GPHN: variants seen among roughly 807,000 people sequenced by gnomAD.
GPHN encodes the protein gephyrin.
Under a neutral mutation model 95.5 loss-of-function variants are expected in GPHN, and 17 were observed. That is an observed-to-expected ratio of 0.18 (90% CI 0.12 to 0.27). The LOEUF (loss-of-function observed/expected upper bound fraction) is 0.27. Among genes scored for constraint, GPHN ranks in the 10% least tolerant of loss-of-function variants. The pLI is 1.00. For synonymous variants in GPHN, 320 were observed against 322.5 expected, an observed-to-expected ratio of 0.99 and a Z score of 0.08; for missense variants, 660 against 978.1, an observed-to-expected ratio of 0.67 and a Z score of 4.34.
the GPHN span, chr14:67,224,686 C>T: frequency 3.2e-6 from 1 of 313,816 alleles, no homozygotes; most frequent in Non-Finnish European, 6.2e-6. Flanking sequence ...ATATTTTTTC[C>T]AAGATGAAAA....
At chr14:67,380,736 T>C in the GPHN span, 1 of 1,569,306 alleles carries the variant, frequency 6.4e-7, no homozygotes, top group Non-Finnish European at 8.6e-7. Flanking sequence ...AATAGGCGCT[T>C]GACCCCACAG....
At chr14:67,279,696 T>C in the GPHN span, 1 of 625,710 alleles carries the variant, frequency 1.6e-6, no homozygotes, top group Non-Finnish European at 2.5e-6. Context: ...GTATAACTAT[T>C]GTTTACTGTT....
chr14:67,357,334 T>G, the GPHN span, among the ~76,000 whole-genome samples: 1 of 152,236 alleles, frequency 6.6e-6, no homozygotes, highest in Non-Finnish European at 1.5e-5. Flanking sequence ...AAGTTTGACC[T>G]TTAGCTAGGA....
At chr14:67,012,388 TAGC>T (rs1478673495) in intron 9 of GPHN, among the ~76,000 whole-genome samples, 1 of 152,186 alleles carries the variant, frequency 6.6e-6, no homozygotes, top group African/African-American at 2.4e-5. Flanking sequence ...TTTTATGAAA[TAGC>T]AGATTTTTTC....
At chr14:67,144,272 T>TACACAC (rs1567400961) in intron 18 of GPHN, among the ~76,000 whole-genome samples, 1 of 120,468 alleles carries the variant, frequency 8.3e-6, no homozygotes, top group African/African-American at 3.6e-5. Context: ...TATATATATA[T>TACACAC]ATATATATAT....
At chr14:67,580,855 C>A in the GPHN span, 2 of 884,194 alleles carry the variant, frequency 2.3e-6, no homozygotes, top group Non-Finnish European at 3.8e-6. Flanking sequence ...TGCTCTTCTG[C>A]TCTGAGTCCA....
the GPHN span, among the ~76,000 whole-genome samples, chr14:67,567,115 C>T: frequency 6.6e-6 from 1 of 151,146 alleles, no homozygotes; most frequent in Non-Finnish European, 1.5e-5. Context: ...TAGCTCCTTC[C>T]CAGGCCCCTG....
At chr14:67,071,129 C>T (rs1398336427) in intron 11 of GPHN, among the ~76,000 whole-genome samples, 1 of 151,252 alleles carries the variant, frequency 6.6e-6, no homozygotes, top group Admixed American at 6.6e-5. Context: ...CATCCCATTA[C>T]TGGGCATATA....
chr14:67,115,457 G>T (rs2078628260), intron 16 of GPHN, among the ~76,000 whole-genome samples: 1 of 152,186 alleles, frequency 6.6e-6, no homozygotes, highest in African/African-American at 2.4e-5. Context: ...TTCAGGCCGG[G>T]CATGGTTGCT....
the GPHN span, among the ~76,000 whole-genome samples, chr14:67,417,146 G>T: frequency 6.6e-6 from 1 of 152,210 alleles, no homozygotes; most frequent in Admixed American, 6.5e-5. Flanking sequence ...CTTGAGTATG[G>T]GTTCTGGAAT....
intron 4 of GPHN, among the ~76,000 whole-genome samples, chr14:66,827,086 C>G (rs1317089463): frequency 6.6e-6 from 1 of 152,080 alleles, no homozygotes; most frequent in East Asian, 1.9e-4. Flanking sequence ...GAGTTCAAGA[C>G]AAGCCTGGCC....
the GPHN span, among the ~76,000 whole-genome samples, chr14:67,366,916 G>T: frequency 6.8e-6 from 1 of 146,260 alleles, no homozygotes; most frequent in African/African-American, 2.7e-5. Context: ...GGCAGCTAAG[G>T]TTCTAGCAGA....
At chr14:67,241,951 T>C in the GPHN span, 1 of 152,200 alleles carries the variant, frequency 6.6e-6, no homozygotes, top group Non-Finnish European at 1.5e-5. Flanking sequence ...GAAGTCAGAA[T>C]GTAGTCAGCG....
At chr14:67,003,953 A>C (rs1246710124) in intron 9 of GPHN, among the ~76,000 whole-genome samples, 3 of 151,680 alleles carry the variant, frequency 2.0e-5, no homozygotes, top group Non-Finnish European at 4.4e-5. Context: ...TGTCGATTTA[A>C]TCAGATGTGG....
At chr14:67,248,762 T>C in the GPHN span, among the ~76,000 whole-genome samples, 1 of 152,336 alleles carries the variant, frequency 6.6e-6, no homozygotes, top group South Asian at 2.1e-4. Context: ...AATAAAACTT[T>C]ACTTATAAAA....
At chr14:67,449,499 G>A in the GPHN span, among the ~76,000 whole-genome samples, 1 of 152,298 alleles carries the variant, frequency 6.6e-6, no homozygotes, top group Middle Eastern at 3.4e-3. Flanking sequence ...GGAGGAGGGA[G>A]TCTCCTGACA....
the GPHN span, among the ~76,000 whole-genome samples, chr14:67,540,415 C>G: frequency 6.6e-6 from 1 of 151,980 alleles, no homozygotes; most frequent in Non-Finnish European, 1.5e-5. Context: ...CACTTGAGGC[C>G]AGGAGTTCAA....
chr14:66,903,206 C>G (rs2065203497), intron 5 of GPHN, among the ~76,000 whole-genome samples: 1 of 152,058 alleles, frequency 6.6e-6, no homozygotes, highest in Non-Finnish European at 1.5e-5. Context: ...GTATTACAGT[C>G]CCCTACTATT....
intron 1 of GPHN, chr14:66,509,263 C>T (rs1317529910): frequency 6.6e-6 from 1 of 152,274 alleles, no homozygotes; most frequent in East Asian, 1.9e-4. Context: ...CTGTCTGCCT[C>T]GTCGTTTCCT....
Sources: gnomAD v4.1 joint callset for allele counts (sites outside exome capture counted in the v4.1 genomes callset) on GRCh38, gnomAD v4.1.1 for gene constraint, MANE v1.5 for transcripts, NCBI Gene and HGNC (gene_info 2026-07-23, HGNC 2026-07-21) for gene names.